Variants in SLC4A8 observed in about 807,000 individuals in gnomAD.
The protein encoded by SLC4A8 is solute carrier family 4 member 8, also known as electroneutral sodium bicarbonate exchanger 1.
In SLC4A8, 40 loss-of-function variants were observed where a neutral mutation model predicts 125.0. That is an observed-to-expected ratio of 0.32 (90% CI 0.25 to 0.42). The LOEUF (loss-of-function observed/expected upper bound fraction) is 0.42. Among genes scored for constraint, SLC4A8 ranks in the 10% least tolerant of loss-of-function variants. SLC4A8 has a pLI of 1.00. For synonymous variants in SLC4A8, 456 were observed against 476.0 expected, an observed-to-expected ratio of 0.96 and a Z score of 0.55; for missense variants, 863 against 1,355.1, an observed-to-expected ratio of 0.64 and a Z score of 5.70.
At chr12:51,410,276 C>T (rs922384774) in intron 1 of SLC4A8, among the ~76,000 whole-genome samples, 1 of 152,186 alleles carries the variant, frequency 6.6e-6, no homozygotes, top group Non-Finnish European at 1.5e-5. Flanking sequence ...AGCTGAGATA[C>T]TCGGTTACAC....
chr12:51,441,170 T>C (rs556209284), intron 2 of SLC4A8: 616 of 985,948 alleles, frequency 6.2e-4, no homozygotes, highest in Middle Eastern at 1.0e-3. Context: ...CAAATAGTTT[T>C]AAAAACTCAT....
intron 2 of SLC4A8, chr12:51,441,002 C>A: frequency 1.8e-6 from 2 of 1,090,030 alleles, no homozygotes; most frequent in Non-Finnish European, 2.4e-6. Context: ...ATCTAATTGC[C>A]TACATGGGAG....
intron 22 of SLC4A8, among the ~76,000 whole-genome samples, chr12:51,502,743 C>T (rs555787065): frequency 1.3e-5 from 2 of 149,164 alleles, no homozygotes; most frequent in South Asian, 2.1e-4. Context: ...TGATCTCGGC[C>T]GACTGCAACC....
intron 1 of SLC4A8, among the ~76,000 whole-genome samples, chr12:51,432,197 A>T (rs574553848): frequency 5.1e-4 from 78 of 152,022 alleles, no homozygotes; most frequent in African/African-American, 1.6e-3. Context: ...TCACAAGGTC[A>T]GGAGATCGAG....
At chr12:51,501,075 C>T (rs1373247226) in intron 22 of SLC4A8, among the ~76,000 whole-genome samples, 3 of 152,148 alleles carry the variant, frequency 2.0e-5, no homozygotes, top group Admixed American at 6.5e-5. Context: ...GTGATCCGCC[C>T]GCCTCGGCCT....
At chr12:51,479,302 A>G (rs1950947908) in intron 16 of SLC4A8, among the ~76,000 whole-genome samples, 1 of 152,182 alleles carries the variant, frequency 6.6e-6, no homozygotes. Context: ...TAATGACTCC[A>G]CACAGGCGTC....
At position 51,458,585 on chromosome 12, in the gene SLC4A8, C is replaced by A; in HGVS notation, c.790C>A (p.Pro264Thr). The change falls in exon 7 of 25, where the codon CCA becomes ACA. Residue 264 changes from proline to threonine, a missense_variant. Pro to Thr is a conservative substitution (Grantham distance 38). This residue lies in a region of SLC4A8 where 390 missense variants were observed against 634.4 expected (regional missense o/e 0.61). Transcript: ENST00000453097. ...HGQTVSPQSV[P>T]TTNLEVKNGV... Reference sequence around the variant, plus strand: ...TCAAACCGTGTCTCCTCAGTCTGTTCCAACTACAAATCTTGAAGTAAAAAA... The same window carrying A: ...TCAAACCGTGTCTCCTCAGTCTGTTACAACTACAAATCTTGAAGTAAAAAA... 6.2e-7 allele frequency: 1 copy of A among 1,613,566 alleles called. No homozygotes were observed. Among genetic ancestry groups the A allele is most frequent in the Non-Finnish European group, 8.5e-7 (1 of 1,179,566 alleles).
At position 51,495,085 on chromosome 12, in the gene SLC4A8, G is replaced by A; in HGVS notation, c.2910G>A (p.Lys970=). 1 of 1,612,938 alleles carries A rather than the reference G, an allele frequency of 6.2e-7. No homozygotes were observed. The highest frequency in any genetic ancestry group is 1.1e-5 in the South Asian group (1 of 90,810). Residue 970 remains lysine (K), a synonymous_variant, in exon 21 of 25, where the codon AAG becomes AAA. Coordinates refer to ENST00000453097, the MANE Select transcript of SLC4A8 (RefSeq NM_001039960.3). ...LTCLVLLWVI[K]ASPAAIVFPM... ...GTCTCGTCCTGCTCTGGGTCATCAAGGCATCTCCAGCTGCCATTGTTTTCC... is the reference window on the plus strand; with the variant it reads ...GTCTCGTCCTGCTCTGGGTCATCAAAGCATCTCCAGCTGCCATTGTTTTCC...
At chr12:51,423,210 T>C (rs529875115), upstream of SLC4A8, among the ~76,000 whole-genome samples, 1 of 152,296 alleles carries the variant, frequency 6.6e-6, no homozygotes, top group East Asian at 1.9e-4. Context: ...AGTCAACATA[T>C]AAAGTACTTA....
intron 2 of SLC4A8, among the ~76,000 whole-genome samples, chr12:51,447,892 AT>A (rs1411483357): frequency 1.1e-4 from 16 of 150,224 alleles, no homozygotes; most frequent in Non-Finnish European, 1.9e-4. Flanking sequence ...AATTTTTTGT[AT>A]TTTTTTTAGT....
At position 51,424,975 on chromosome 12, in the gene SLC4A8, G is replaced by C. The variant is rs552768486; in HGVS notation, c.-13G>C. ...GCTTGGAGCCCGTGGGGGAGACCTA[G>C]TTCGGCTCCGCCATGCCGGCCGCCG... On this transcript the variant is annotated 5_prime_UTR_variant, in exon 1 of 25. An upstream open reading frame in the 5' UTR loses its in-frame stop. Transcript: ENST00000453097. The C allele has an allele frequency of 5.2e-6, 8 of 1,552,188 alleles. No individual in the cohort carries two copies. The African/African-American group carries it at 1.1e-4, about 21-fold the overall frequency.
intron 1 of SLC4A8, among the ~76,000 whole-genome samples, chr12:51,429,740 C>CT (rs1949123281): frequency 6.6e-6 from 1 of 151,578 alleles, no homozygotes; most frequent in African/African-American, 2.4e-5. Flanking sequence ...AATCCCTGGT[C>CT]TCAAGCGATC....
intron 1 of SLC4A8, among the ~76,000 whole-genome samples, chr12:51,399,898 C>T (rs943152853): frequency 1.3e-5 from 2 of 151,596 alleles, no homozygotes; most frequent in Non-Finnish European, 2.9e-5. Flanking sequence ...AGGGGAATCG[C>T]TTGAACCTGG....
At chr12:51,429,840 T>G (rs1415552429) in intron 1 of SLC4A8, among the ~76,000 whole-genome samples, 1 of 151,770 alleles carries the variant, frequency 6.6e-6, no homozygotes, top group Non-Finnish European at 1.5e-5. Flanking sequence ...AATGAGCTTT[T>G]CATAGGGGGT....
chr12:51,396,925 A>ATTTTTTT (rs753146267), intron 1 of SLC4A8, among the ~76,000 whole-genome samples: 84 of 106,298 alleles, frequency 7.9e-4, no homozygotes, highest in African/African-American at 1.8e-3. Context: ...GCCTTAGTTA[A>ATTTTTTT]TTTTTTTTTT....
chr12:51,499,242 G>A (rs183471063), intron 22 of SLC4A8, among the ~76,000 whole-genome samples: 2 of 152,208 alleles, frequency 1.3e-5, no homozygotes, highest in East Asian at 3.9e-4. Context: ...GAAAAACATA[G>A]GGAATATAAA....
chr12:51,430,787 G>A (rs542862491), intron 1 of SLC4A8, among the ~76,000 whole-genome samples: 35 of 152,196 alleles, frequency 2.3e-4, no homozygotes, highest in Non-Finnish European at 4.0e-4. Flanking sequence ...TCTGCTGCCA[G>A]GTAACAGCAA....
chr12:51,425,420 G>T, intron 1 of SLC4A8: 1 of 1,042,638 alleles, frequency 9.6e-7, no homozygotes, highest in Non-Finnish European at 1.2e-6. Flanking sequence ...CTCTGGTGGG[G>T]CACGTCTTCT....
In SLC4A8 at chr12:51,488,768, G is replaced by T. The variant is rs1473969607; in HGVS notation, c.2356G>T (p.Ala786Ser). The T allele has an allele frequency of 6.2e-7, 1 of 1,613,530 alleles. No individual in the cohort carries two copies. The highest frequency in any genetic ancestry group is 1.3e-5 in the African/African-American group (1 of 74,892). ...CAATCCCTGGTGGACTGTGATAGCT[G>T]CAATTATCCCAGCTCTTCTCTGTAC... is the stretch of plus-strand genomic sequence containing the variant. Reference protein sequence around the residue: ...GPNPWWTVIAAIIPALLCTIL... With the variant: ...GPNPWWTVIASIIPALLCTIL... The change falls in exon 18 of 25, where the codon GCA (alanine) becomes TCA (serine). Residue 786 changes from alanine to serine, a missense_variant. By Grantham distance (99) the Ala-to-Ser change is moderately conservative (BLOSUM62 1). Transcript: ENST00000453097.
Sources: allele counts gnomAD v4.1 joint callset (sites outside exome capture counted in the v4.1 genomes callset), GRCh38; gene constraint gnomAD v4.1.1; regional missense constraint gnomAD v4.1.1; transcripts MANE v1.5; gene names NCBI Gene and HGNC (gene_info 2026-07-23, HGNC 2026-07-21).